GMIP: variants seen among roughly 807,000 people sequenced by gnomAD.
The protein encoded by GMIP is GEM-interacting protein.
In GMIP, 54 loss-of-function variants were observed where a neutral mutation model predicts 105.3. That is an observed-to-expected ratio of 0.51 (90% CI 0.41 to 0.64). The LOEUF (loss-of-function observed/expected upper bound fraction) is 0.64, where lower values mean the gene tolerates loss of function less well. Ranked by LOEUF, GMIP falls within the 30% of genes least tolerant of loss-of-function variation. The pLI is 0.00. For synonymous variants in GMIP, 541 were observed against 560.8 expected, an observed-to-expected ratio of 0.96 and a Z score of 0.50; for missense variants, 1,110 against 1,319.4, an observed-to-expected ratio of 0.84 and a Z score of 2.46.
At position 19,640,369 on chromosome 19, in the gene GMIP, A is replaced by C. The variant is rs1178640855; in HGVS notation, c.365-9T>G. 1.9e-6 allele frequency: 3 copies of C among 1,614,072 alleles called. No individual in the cohort carries two copies. Among genetic ancestry groups the C allele is most frequent in the Non-Finnish European group, 2.5e-6 (3 of 1,179,990 alleles). Reference sequence around the variant, plus strand: ...CTTAGCAAACTCCAGCTCTGGGGGAAGAGAGAGCCGGGCTCTGGGTCTAGC... The same window carrying C: ...CTTAGCAAACTCCAGCTCTGGGGGACGAGAGAGCCGGGCTCTGGGTCTAGC... On this transcript the variant is annotated splice_polypyrimidine_tract_variant and intron_variant, in intron 5 of 20. Coordinates refer to ENST00000203556, the MANE Select transcript of GMIP (RefSeq NM_016573.4).
In GMIP at chr19:19,630,272, C is replaced by T. The variant is rs758411976; in HGVS notation, c.2604G>A (p.Gln868=). ...CACCGCCCCGGGGATACTTCACTGGCTGGCGGCTGAAGTGGCCACGAGACT... is the reference window on the plus strand; with the variant it reads ...CACCGCCCCGGGGATACTTCACTGGTTGGCGGCTGAAGTGGCCACGAGACT... ...GTQSRGHFSR[Q]PVKYPRGGVR... is the part of the protein sequence containing the mutation. Residue 868 remains glutamine, a synonymous_variant, in exon 21 of 21, where the codon CAG becomes CAA. Coordinates refer to ENST00000203556, the MANE Select transcript of GMIP (RefSeq NM_016573.4). This position sits in a 1 kb window ranked among gnomAD's most constrained non-coding sequence, Gnocchi z 4.8. 17 of 1,552,606 alleles carry T rather than the reference C, an allele frequency of 1.1e-5. No homozygotes were observed. The Admixed American group carries it at 3.3e-4, about 30-fold the overall frequency.
Position 19,637,467 on chromosome 19 carries a change from G to A in GMIP, c.1022C>T (p.Pro341Leu). ...ALAECCAPFE[P>L]GQRYQEFVRA... is the part of the protein sequence containing the mutation. Reference sequence around the variant, plus strand: ...TACAAACTCCTGGTAGCGCTGGCCCGGCTCAAAGGGCGCACAGCACTCGGC... The same window carrying A: ...TACAAACTCCTGGTAGCGCTGGCCCAGCTCAAAGGGCGCACAGCACTCGGC... The change falls in exon 11 of 21, where the codon CCG (proline) becomes CTG (leucine). Residue 341 changes from proline (P) to leucine (L), a missense_variant. Physicochemically the swap from Pro to Leu is moderately conservative, Grantham distance 98. This residue lies in a region of GMIP where 667 missense variants were observed against 773.2 expected (regional missense o/e 0.86). Coordinates refer to ENST00000203556, the MANE Select transcript of GMIP (RefSeq NM_016573.4). This position sits in a 1 kb window ranked among gnomAD's most constrained non-coding sequence, Gnocchi z 6.7. The A allele has an allele frequency of 6.5e-7, 1 of 1,531,998 alleles. No individual in the cohort carries two copies. The highest frequency in any genetic ancestry group is 2.5e-5 in the East Asian group (1 of 39,544). The allele number at this position is 1,531,998 out of a possible 1,614,324, so 94.9% of individuals were successfully genotyped here.
At chr19:19,639,194 C>CT (rs1045813608) in intron 7 of GMIP, among the ~76,000 whole-genome samples, 1 of 151,862 alleles carries the variant, frequency 6.6e-6, no homozygotes, top group African/African-American at 2.4e-5. Flanking sequence ...CCTCAGCCTC[C>CT]TAGTAGCTAG....
At position 19,630,580 on chromosome 19, in the gene GMIP, C is replaced by T. The variant is rs1232168089; in HGVS notation, c.2473-43G>A. 2 of 1,539,832 alleles carry T rather than the reference C, an allele frequency of 1.3e-6. No homozygotes were observed. The highest frequency in any genetic ancestry group is 9.0e-7 in the Non-Finnish European group (1 of 1,112,702). Reference sequence around the variant, plus strand: ...AGAATGAGACCCCAACACTAAAATCCCAGTTCTTTGAGATTCCTGGAGAGC... The same window carrying T: ...AGAATGAGACCCCAACACTAAAATCTCAGTTCTTTGAGATTCCTGGAGAGC... On this transcript the variant is annotated intron_variant, in intron 19 of 20. Coordinates refer to ENST00000203556, the MANE Select transcript of GMIP (RefSeq NM_016573.4). The surrounding 1 kb of genome is among the most constrained non-coding windows in gnomAD (Gnocchi z 4.8).
chr19:19,635,423 A>G lies in GMIP; in HGVS notation c.1552T>C (p.Cys518Arg). Residue 518 changes from cysteine (C) to arginine (R), a missense_variant, in exon 15 of 21, where the codon TGT (cysteine) becomes CGT (arginine). By Grantham distance (180) the Cys-to-Arg change is radical. Transcript: ENST00000203556. The surrounding 1 kb of genome is among the most constrained non-coding windows in gnomAD (Gnocchi z 4.7). ...CEAFMVSGTE[C>R]EECFLTCHKR... Reference sequence around the variant, plus strand: ...ATTAACCCAGGCCACACCTCCTCACACTCCGTCCCGCTGACCATGAAGGCT... The same window carrying G: ...ATTAACCCAGGCCACACCTCCTCACGCTCCGTCCCGCTGACCATGAAGGCT... 1 of 1,608,700 alleles carries G rather than the reference A, an allele frequency of 6.2e-7. No homozygotes were observed. The highest frequency in any genetic ancestry group is 8.5e-7 in the Non-Finnish European group (1 of 1,179,598).
At chr19:19,642,743 G>T (rs1009327131) in intron 1 of GMIP, 124 bp from the exon 2 acceptor site, 17 of 503,938 alleles carry the variant, frequency 3.4e-5, no homozygotes, top group African/African-American at 1.0e-4. Flanking sequence ...AGAGAGGGCT[G>T]GGGGGGGCTT....
chr19:19,629,989 G>A lies in GMIP; in HGVS notation c.2887C>T (p.Pro963Ser). ...CAGAGATGGTCCTCGGCTTCCTCAG[G>A]CTGGACGTCCGGGCAGCAGGTGGCC... ...PRATCCPDVQPEEAEDHL is the reference protein window; with the variant it reads ...PRATCCPDVQSEEAEDHL Residue 963 changes from proline to serine, a missense_variant, in exon 21 of 21, where the codon CCT (proline) becomes TCT (serine). Around this residue, in one of 3 missense-constraint regions of GMIP, gnomAD observed 394 missense variants for 450.5 expected, o/e 0.87. Transcript: ENST00000203556. 9.3e-6 allele frequency: 15 copies of A among 1,609,236 alleles called. No individual in the cohort carries two copies. Among genetic ancestry groups the A allele is most frequent in the Non-Finnish European group, 1.3e-5 (15 of 1,178,310 alleles).
chr19:19,639,190 C>A (rs750098511), intron 7 of GMIP, among the ~76,000 whole-genome samples: 3 of 152,012 alleles, frequency 2.0e-5, no homozygotes, highest in Admixed American at 6.5e-5. Flanking sequence ...CCACCCTCAG[C>A]CTCCTAGTAG....
Position 19,629,782 on chromosome 19 carries a change from A to G in GMIP, c.*181T>C, listed in dbSNP as rs1347240283. 1.6e-6 allele frequency: 1 copy of G among 628,648 alleles called. No homozygotes were observed. Among genetic ancestry groups the G allele is most frequent in the Non-Finnish European group, 2.7e-6 (1 of 367,796 alleles). 38.9% of individuals were successfully genotyped at this position (628,648 alleles called of 1,614,324 possible). A position where few individuals can be genotyped will look rare whatever the true frequency, so the allele number is the denominator to read the frequency against. ...GGGGGGACTCTGGGACATTATCCCCAAAAGGGTTTTAGGCCTCCCCTAGGT... is the reference window on the plus strand; with the variant it reads ...GGGGGGACTCTGGGACATTATCCCCGAAAGGGTTTTAGGCCTCCCCTAGGT... On this transcript the variant is annotated 3_prime_UTR_variant, in exon 21 of 21. Coordinates refer to ENST00000203556, the MANE Select transcript of GMIP (RefSeq NM_016573.4).
chr19:19,641,728 C>A, intron 4 of GMIP, 82 bp downstream of exon 4: 1 of 1,010,712 alleles, frequency 9.9e-7, no homozygotes, highest in Non-Finnish European at 1.5e-6. Context: ...CGATGCCTTG[C>A]ATGGAACAGG....
At chr19:19,639,851 A>G (rs1337882366) in intron 7 of GMIP, among the ~76,000 whole-genome samples, 3 of 152,196 alleles carry the variant, frequency 2.0e-5, no homozygotes, top group Non-Finnish European at 4.4e-5. Context: ...ATTCTGTCTC[A>G]AGAAAAAAAG....
chr19:19,638,141 TC>T lies in GMIP; in HGVS notation c.789+17del, dbSNP rs757590711. On this transcript the variant is annotated intron_variant, in intron 9 of 20. Transcript: ENST00000203556. Reference sequence around the variant, plus strand: ...GGGGGCGCCACAGCGCTACAGGGGCTCGGGGCCGGGTGCCCACCTTGGCCTG... The same window carrying T: ...GGGGGCGCCACAGCGCTACAGGGGCTGGGGCCGGGTGCCCACCTTGGCCTG... 9 of 1,574,006 alleles carry T rather than the reference TC, an allele frequency of 5.7e-6. No homozygotes were observed. The African/African-American group carries it at 8.1e-5, about 14-fold the overall frequency.
rs951748533 is a variant in GMIP, at chr19:19,630,894, C to T, written c.2473-357G>A. On this transcript the variant is annotated intron_variant, in intron 19 of 20. Coordinates refer to ENST00000203556, the MANE Select transcript of GMIP (RefSeq NM_016573.4). The surrounding 1 kb of genome is among the most constrained non-coding windows in gnomAD (Gnocchi z 4.8). ...TGCAGTTTTGGTGTTTGGGGATAGACGATGCCCTTATAAGTGTACTGCTTG... is the reference window on the plus strand; with the variant it reads ...TGCAGTTTTGGTGTTTGGGGATAGATGATGCCCTTATAAGTGTACTGCTTG... Among the ~76,000 whole-genome samples the T allele has an allele frequency of 2.0e-5, 3 of 152,136 alleles. No individual in the cohort carries two copies. Among genetic ancestry groups the T allele is most frequent in the South Asian group, 2.1e-4 (1 of 4,830 alleles).
At position 19,637,607 on chromosome 19, in the gene GMIP, C is replaced by T. The variant is rs2061869376; in HGVS notation, c.928-46G>A. 10 of 1,418,902 alleles carry T rather than the reference C, an allele frequency of 7.0e-6. No individual in the cohort carries two copies. The highest frequency in any genetic ancestry group is 9.3e-6 in the Non-Finnish European group (10 of 1,074,322). 87.9% of individuals were successfully genotyped at this position (1,418,902 alleles called of 1,614,324 possible). Reference sequence around the variant, plus strand: ...GTTGGGGAGGGGCGGAGCCTGGGAGCCTGGGGGCAGGGCCAGAGCTGGGGC... The same window carrying T: ...GTTGGGGAGGGGCGGAGCCTGGGAGTCTGGGGGCAGGGCCAGAGCTGGGGC... On this transcript the variant is annotated intron_variant, in intron 10 of 20. Transcript: ENST00000203556. The surrounding 1 kb of genome is among the most constrained non-coding windows in gnomAD (Gnocchi z 6.7).
chr19:19,637,858 T>G lies in GMIP; in HGVS notation c.927+62A>C. 1.3e-6 allele frequency: 2 copies of G among 1,519,084 alleles called. No homozygotes were observed. Among genetic ancestry groups the G allele is most frequent in the East Asian group, 2.3e-5 (1 of 43,068 alleles). The allele number at this position is 1,519,084 out of a possible 1,614,324, so 94.1% of individuals were successfully genotyped here. A position where few individuals can be genotyped will look rare whatever the true frequency, so the allele number is the denominator to read the frequency against. ...TCCAGGGTGGCTTAGGGGCGAGGAG[T>G]GGGGCACTCAGTCGGGGCCCCAACG... On this transcript the variant is annotated intron_variant, in intron 10 of 20. Transcript: ENST00000203556. This position sits in a 1 kb window ranked among gnomAD's most constrained non-coding sequence, Gnocchi z 6.7.
At position 19,640,363 on chromosome 19, in the gene GMIP, G is replaced by C. The variant is rs201215952; in HGVS notation, c.365-3C>G. 5 of 1,614,014 alleles carry C rather than the reference G, an allele frequency of 3.1e-6. No individual in the cohort carries two copies. The highest frequency in any genetic ancestry group is 1.1e-5 in the South Asian group (1 of 91,078). Reference sequence around the variant, plus strand: ...GGTGCTCTTAGCAAACTCCAGCTCTGGGGGAAGAGAGAGCCGGGCTCTGGG... The same window carrying C: ...GGTGCTCTTAGCAAACTCCAGCTCTCGGGGAAGAGAGAGCCGGGCTCTGGG... On this transcript the variant is annotated splice_region_variant and splice_polypyrimidine_tract_variant and intron_variant, in intron 5 of 20. Coordinates refer to ENST00000203556, the MANE Select transcript of GMIP (RefSeq NM_016573.4).
chr19:19,643,490 C>T (rs767593750), intron 1 of GMIP, 21 bp downstream of exon 1: 2 of 1,544,344 alleles, frequency 1.3e-6, no homozygotes, highest in Non-Finnish European at 1.8e-6. Context: ...GGAGGCCCCT[C>T]CCGGATCCCC....
In GMIP at chr19:19,633,822, G is replaced by A; in HGVS notation, c.2453C>T (p.Pro818Leu). The A allele has an allele frequency of 6.8e-7, 1 of 1,472,790 alleles. No homozygotes were observed. The highest frequency in any genetic ancestry group is 9.0e-7 in the Non-Finnish European group (1 of 1,111,220). 91.2% of individuals were successfully genotyped at this position (1,472,790 alleles called of 1,614,324 possible). ...PQHHSTLEQH[P>L]TATPTEIPTP... The stretch of plus-strand genomic sequence containing the variant: ...TCTTACCTCGGTAGGTGTGGCCGTG[G>A]GATGCTGCTCCAGGGTACTGTGGTG... The change falls in exon 19 of 21, where the codon CCC becomes CTC. Residue 818 changes from proline (P) to leucine (L), a missense_variant. Physicochemically the swap from Pro to Leu is moderately conservative, Grantham distance 98. This residue lies in a region of GMIP where 394 missense variants were observed against 450.5 expected (regional missense o/e 0.87). Coordinates refer to ENST00000203556, the MANE Select transcript of GMIP (RefSeq NM_016573.4).
rs1435584884 is a variant in GMIP at position 19,634,504 on chromosome 19, C to T, written c.2084+3G>A. ...GTTTCAAGGCTCAGGGACCCATGCA[C>T]ACCTGAACAGATGGGCCACCAGGTG... On this transcript the variant is annotated splice_donor_region_variant and intron_variant, in intron 18 of 20. Coordinates refer to ENST00000203556, the MANE Select transcript of GMIP (RefSeq NM_016573.4). The surrounding 1 kb of genome is among the most constrained non-coding windows in gnomAD (Gnocchi z 6.1). 1 of 1,606,960 alleles carries T rather than the reference C, an allele frequency of 6.2e-7. No individual in the cohort carries two copies. Among genetic ancestry groups the T allele is most frequent in the South Asian group, 1.1e-5 (1 of 90,376 alleles).
Sources: gnomAD v4.1 joint callset for allele counts (sites outside exome capture counted in the v4.1 genomes callset) on GRCh38, gnomAD v4.1.1 for gene constraint, gnomAD v4.1.1 regional missense constraint, Gnocchi (gnomAD v3.1) non-coding constraint, MANE v1.5 for transcripts, NCBI Gene and HGNC (gene_info 2026-07-23, HGNC 2026-07-21) for gene names.